Variants in EIF2AK3 observed in about 807,000 individuals in gnomAD.
EIF2AK3 encodes the protein eukaryotic translation initiation factor 2-alpha kinase 3.
EIF2AK3 carries 50 observed loss-of-function variants against 113.5 expected under a neutral mutation model. The ratio of observed to expected loss-of-function variants is 0.44; its 90% confidence interval spans 0.35 to 0.56. The LOEUF (loss-of-function observed/expected upper bound fraction) is 0.56, where lower values mean the gene tolerates loss of function less well. EIF2AK3 is among the 20% of genes least tolerant of loss of function. The probability of loss-of-function intolerance (pLI) is 0.00; values close to 1 mark genes in which losing one functional copy is unlikely to be tolerated. For missense variants in EIF2AK3, 1,185 were observed against 1,378.0 expected, an observed-to-expected ratio of 0.86 and a Z score of 2.22; for synonymous variants, 448 against 495.4, an observed-to-expected ratio of 0.90 and a Z score of 1.27.
chr2:88,612,362 G>T (rs1675477449), intron 2 of EIF2AK3, among the ~76,000 whole-genome samples: 1 of 152,036 alleles, frequency 6.6e-6, no homozygotes, highest in African/African-American at 2.4e-5. Context: ...AGTAAAACAT[G>T]CATACCCAAG....
intron 1 of EIF2AK3, among the ~76,000 whole-genome samples, chr2:88,622,749 T>C (rs1573428522): frequency 6.6e-6 from 1 of 152,196 alleles, no homozygotes; most frequent in Non-Finnish European, 1.5e-5. Flanking sequence ...CCTTTCAACA[T>C]GGTATTCTGA....
chr2:88,572,221 G>A (rs1674331062), intron 13 of EIF2AK3, among the ~76,000 whole-genome samples: 1 of 152,170 alleles, frequency 6.6e-6, no homozygotes, highest in East Asian at 1.9e-4. Flanking sequence ...TGCATTAAAT[G>A]TCATCTTTCT....
chr2:88,610,971 G>T (rs147050250), intron 2 of EIF2AK3, among the ~76,000 whole-genome samples: 1 of 152,236 alleles, frequency 6.6e-6, no homozygotes, highest in African/African-American at 2.4e-5. Context: ...AGGATTGCTT[G>T]AGCCCAGGAT....
chr2:88,580,423 T>G (rs143565205), intron 10 of EIF2AK3, among the ~76,000 whole-genome samples: 8 of 152,360 alleles, frequency 5.3e-5, no homozygotes, highest in Non-Finnish European at 1.2e-4. Flanking sequence ...TGTAAGGCTT[T>G]CTTAGACCCC....
chr2:88,610,877 A>C (rs1040816741), intron 2 of EIF2AK3, among the ~76,000 whole-genome samples: 4 of 151,956 alleles, frequency 2.6e-5, no homozygotes, highest in Non-Finnish European at 4.4e-5. Context: ...GGCAATATCG[A>C]GACTCTGTCT....
rs78200500 is a variant in EIF2AK3, at chr2:88,560,745, G to GT, written c.3087+1543dup. ...TGTTCTGAAAATGGTTATTTTGACT[G>GT]TTTTTTTTTTTTTTTCATTCATTGT... On this transcript the variant is annotated intron_variant, in intron 15 of 16. Transcript: ENST00000303236. Among the ~76,000 whole-genome samples, 1,266 of 130,938 alleles carry GT rather than the reference G, an allele frequency of 9.7e-3. 9 individuals are homozygous for GT. The highest frequency in any genetic ancestry group is 0.014 in the Non-Finnish European group (829 of 60,348). The allele number at this position is 130,938 out of a possible 152,430, so 85.9% of individuals were successfully genotyped here.
intron 11 of EIF2AK3, among the ~76,000 whole-genome samples, chr2:88,579,038 G>A (rs1056064523): frequency 6.6e-6 from 1 of 151,946 alleles, no homozygotes; most frequent in Admixed American, 6.6e-5. Context: ...AAATATAGAG[G>A]ATATGATGAA....
intron 3 of EIF2AK3, among the ~76,000 whole-genome samples, chr2:88,594,830 T>TC (rs1674972689): frequency 8.7e-6 from 1 of 115,062 alleles, no homozygotes; most frequent in Non-Finnish European, 1.7e-5. Flanking sequence ...TGTCAAAATG[T>TC]AAAAAAAAAA....
chr2:88,581,912 T>C (rs1297921830), intron 10 of EIF2AK3, among the ~76,000 whole-genome samples: 4 of 152,164 alleles, frequency 2.6e-5, no homozygotes, highest in Non-Finnish European at 5.9e-5. Context: ...CTTGCAGGGC[T>C]GGGCCAGGGT....
At chr2:88,594,364 T>A (rs967731219) in intron 3 of EIF2AK3, among the ~76,000 whole-genome samples, 6 of 152,170 alleles carry the variant, frequency 3.9e-5, no homozygotes, top group African/African-American at 1.4e-4. Context: ...CCCCAGCTAA[T>A]TTTTTTATTT....
At chr2:88,570,775 C>T (rs1461061870) in intron 14 of EIF2AK3, 99 bp downstream of exon 14, 1 of 1,473,294 alleles carries the variant, frequency 6.8e-7, no homozygotes, top group South Asian at 1.1e-5. Flanking sequence ...TTCAGACTTA[C>T]TGGGTTTTAG....
chr2:88,604,631 T>C (rs1675225271), intron 2 of EIF2AK3, among the ~76,000 whole-genome samples: 1 of 152,200 alleles, frequency 6.6e-6, no homozygotes, highest in African/African-American at 2.4e-5. Flanking sequence ...AAGAATCACA[T>C]CTGTCCTGGG....
chr2:88,562,436 T>A, intron 14 of EIF2AK3, 46 bp from the exon 15 acceptor site: 1 of 1,461,306 alleles, frequency 6.8e-7, no homozygotes, highest in Non-Finnish European at 9.6e-7. Flanking sequence ...ACAGAGACAG[T>A]ACAGTTGATA....
intron 2 of EIF2AK3, among the ~76,000 whole-genome samples, chr2:88,605,231 G>A (rs1200590551): frequency 6.6e-6 from 1 of 152,118 alleles, no homozygotes; most frequent in African/African-American, 2.4e-5. Flanking sequence ...ACTCAGTCTA[G>A]CTCATGTGAC....
chr2:88,557,945 A>T lies in EIF2AK3; in HGVS notation c.3151-9T>A. Reference sequence around the variant, plus strand: ...TCTTGAACCATCACGTACTGAAAATATAAAAATTGTTTTGTGATAAAACGG... The same window carrying T: ...TCTTGAACCATCACGTACTGAAAATTTAAAAATTGTTTTGTGATAAAACGG... On this transcript the variant is annotated splice_polypyrimidine_tract_variant and intron_variant, in intron 16 of 16. Transcript: ENST00000303236. 6.2e-7 allele frequency: 1 copy of T among 1,613,910 alleles called. No homozygotes were observed.
At chr2:88,590,419 G>A (rs751449746) in intron 6 of EIF2AK3, 24 bp downstream of exon 6, 36 of 1,612,092 alleles carry the variant, frequency 2.2e-5, no homozygotes, top group East Asian at 1.1e-4. Flanking sequence ...GTGTACTATC[G>A]TTAGATAAGA....
At chr2:88,582,211 G>C (rs1267513529) in intron 10 of EIF2AK3, among the ~76,000 whole-genome samples, 3 of 152,206 alleles carry the variant, frequency 2.0e-5, no homozygotes, top group African/African-American at 7.2e-5. Flanking sequence ...GACAGCTACT[G>C]TGCTGGCTGG....
At chr2:88,584,527 G>GGA (rs1477605389) in intron 9 of EIF2AK3, among the ~76,000 whole-genome samples, 2 of 73,332 alleles carry the variant, frequency 2.7e-5, no homozygotes, top group African/African-American at 1.2e-4. Flanking sequence ...CCCTGTCTCT[G>GGA]AAAAAAAAAA....
intron 10 of EIF2AK3, among the ~76,000 whole-genome samples, chr2:88,581,990 A>G (rs1268457868): frequency 1.3e-5 from 2 of 152,186 alleles, no homozygotes; most frequent in East Asian, 3.9e-4. Context: ...TCCCATAGCC[A>G]GTATTTACAG....
Sources: allele counts gnomAD v4.1 joint callset (sites outside exome capture counted in the v4.1 genomes callset), GRCh38; gene constraint gnomAD v4.1.1; transcripts MANE v1.5; gene names NCBI Gene and HGNC (gene_info 2026-07-23, HGNC 2026-07-21).